The following PTPRD variants were observed in gnomAD, a reference collection of about 807,000 sequenced individuals.
PTPRD encodes the protein receptor-type tyrosine-protein phosphatase delta.
In PTPRD, 34 loss-of-function variants were observed where a neutral mutation model predicts 214.5. The observed-to-expected ratio is 0.16, with a 90% CI of 0.12 to 0.21. The LOEUF (loss-of-function observed/expected upper bound fraction) is 0.21, where lower values mean the gene tolerates loss of function less well. Among genes scored for constraint, PTPRD ranks in the 10% least tolerant of loss-of-function variants. PTPRD has a pLI of 1.00. For synonymous variants in PTPRD, 1,128 were observed against 845.7 expected, an observed-to-expected ratio of 1.33 and a Z score of -5.79; for missense variants, 2,545 against 2,398.7, an observed-to-expected ratio of 1.06 and a Z score of -1.27.
At chr9:8,644,232 G>C (rs1204106423) in intron 12 of PTPRD, among the ~76,000 whole-genome samples, 1 of 151,740 alleles carries the variant, frequency 6.6e-6, no homozygotes, top group East Asian at 1.9e-4. Flanking sequence ...GCTGGGAGGT[G>C]AACACTCCGG....
intron 7 of PTPRD, among the ~76,000 whole-genome samples, chr9:9,732,751 G>A (rs1041446298): frequency 5.3e-5 from 8 of 151,920 alleles, no homozygotes; most frequent in Admixed American, 3.9e-4. Context: ...CTCATTTTGC[G>A]GCTAAATATT....
intron 5 of PTPRD, among the ~76,000 whole-genome samples, chr9:9,885,935 T>C (rs1406638043): frequency 6.7e-6 from 1 of 150,050 alleles, no homozygotes; most frequent in Non-Finnish European, 1.5e-5. Context: ...GTGTAGATTT[T>C]GTCTAATGTA....
intron 34 of PTPRD, among the ~76,000 whole-genome samples, chr9:8,443,357 T>A (rs1162916649): frequency 6.6e-6 from 1 of 152,222 alleles, no homozygotes; most frequent in South Asian, 2.1e-4. Context: ...AAAATGGATC[T>A]TGTTAGCATT....
chr9:8,544,164 C>CTTTTTTTTTT (rs373194856), intron 14 of PTPRD, among the ~76,000 whole-genome samples: 13 of 111,140 alleles, frequency 1.2e-4, no homozygotes, highest in African/African-American at 1.5e-4. Context: ...TTTGCCATTA[C>CTTTTTTTTTT]TTTTTTTTTT....
chr9:10,121,881 C>A (rs779307576), intron 3 of PTPRD, among the ~76,000 whole-genome samples: 2 of 152,152 alleles, frequency 1.3e-5, no homozygotes, highest in Non-Finnish European at 2.9e-5. Flanking sequence ...CCCAAAGAAT[C>A]CCCACTCTGA....
intron 11 of PTPRD, among the ~76,000 whole-genome samples, chr9:8,938,252 A>G (rs1410296361): frequency 6.6e-6 from 1 of 151,686 alleles, no homozygotes; most frequent in Non-Finnish European, 1.5e-5. Flanking sequence ...TAGGGGAGAG[A>G]AACAGAGAGG....
rs1056355158 is a variant in PTPRD at position 9,943,999 on chromosome 9, G to A, written c.-471-5389C>T. Among the ~76,000 whole-genome samples the A allele has an allele frequency of 2.6e-5, 4 of 151,974 alleles. No individual in the cohort carries two copies. In the South Asian group the frequency reaches 6.2e-4, roughly 24 times the overall value. On this transcript the variant is annotated intron_variant, in intron 4 of 45. Coordinates refer to ENST00000381196, the MANE Select transcript of PTPRD (RefSeq NM_002839.4). ...ACTTTTTCTTGATTTTTATCTTCAT[G>A]TCAGAGTATCTAAAAGTTGGAAAAC...
chr9:9,890,932 A>C (rs558469776), intron 5 of PTPRD, among the ~76,000 whole-genome samples: 1 of 152,256 alleles, frequency 6.6e-6, no homozygotes, highest in South Asian at 2.1e-4. Flanking sequence ...AATCTAAATT[A>C]CATTGAATTT....
chr9:10,472,298 T>C (rs1240884932), intron 2 of PTPRD, among the ~76,000 whole-genome samples: 1 of 152,154 alleles, frequency 6.6e-6, no homozygotes, highest in Non-Finnish European at 1.5e-5. Flanking sequence ...TCATTTATTC[T>C]CTAAAATCCA....
intron 9 of PTPRD, among the ~76,000 whole-genome samples, chr9:9,346,080 G>A (rs540383211): frequency 1.3e-5 from 2 of 152,178 alleles, no homozygotes; most frequent in South Asian, 4.2e-4. Context: ...CTCACGTAGT[G>A]CTGTGGAAGT....
chr9:10,427,444 G>T (rs978594092), intron 2 of PTPRD, among the ~76,000 whole-genome samples: 2 of 152,046 alleles, frequency 1.3e-5, no homozygotes, highest in Admixed American at 6.6e-5. Flanking sequence ...TTCAATAGCT[G>T]CTGGCTCTCA....
chr9:8,497,098 C>G lies in PTPRD; in HGVS notation c.2349+144G>C, dbSNP rs144228982. The stretch of plus-strand genomic sequence containing the variant: ...ACAAAAACCAAAATAAAAAGTGCAC[C>G]ACACAGTGAAGATAACTTAAAAATA... On this transcript the variant is annotated intron_variant, in intron 26 of 45. Coordinates refer to ENST00000381196, the MANE Select transcript of PTPRD (RefSeq NM_002839.4). 353 of 689,622 alleles carry G rather than the reference C, an allele frequency of 5.1e-4. 2 individuals are homozygous for G. The African/African-American group carries it at 5.9e-3, about 12-fold the overall frequency. 42.7% of individuals were successfully genotyped at this position (689,622 alleles called of 1,614,324 possible).
Position 10,583,720 on chromosome 9 carries a change from C to T in PTPRD, c.-600+28678G>A, listed in dbSNP as rs866017697. On this transcript the variant is annotated intron_variant, in intron 2 of 45. Transcript: ENST00000381196. ...GTCTCGATCTCCTGACCTCGTGATG[C>T]GCCTGCCTCGGCCTCCCAAAGTGCT... Among the ~76,000 whole-genome samples the T allele has an allele frequency of 3.3e-5, 5 of 151,946 alleles. No homozygotes were observed. The East Asian group carries it at 5.8e-4, about 18-fold the overall frequency.
chr9:10,356,663 T>A (rs2097283966), intron 2 of PTPRD, among the ~76,000 whole-genome samples: 1 of 152,146 alleles, frequency 6.6e-6, no homozygotes, highest in Admixed American at 6.5e-5. Flanking sequence ...GCTCATGTAT[T>A]CATAAAAATG....
chr9:8,814,546 G>A (rs1287089030), intron 11 of PTPRD, among the ~76,000 whole-genome samples: 1 of 152,172 alleles, frequency 6.6e-6, no homozygotes, highest in Non-Finnish European at 1.5e-5. Context: ...CATACCTGAG[G>A]CGGAAACCCT....
intron 4 of PTPRD, among the ~76,000 whole-genome samples, chr9:9,969,565 T>G (rs757166898): frequency 2.0e-5 from 3 of 152,236 alleles, no homozygotes; most frequent in Non-Finnish European, 4.4e-5. Context: ...CTTCTCAGTC[T>G]AATTCAGTGT....
intron 5 of PTPRD, among the ~76,000 whole-genome samples, chr9:9,931,354 G>A (rs967242793): frequency 6.6e-5 from 10 of 152,208 alleles, no homozygotes; most frequent in African/African-American, 2.4e-4. Context: ...AGTGGGCGCA[G>A]GTCAGTGGGT....
intron 4 of PTPRD, among the ~76,000 whole-genome samples, chr9:10,015,220 C>G (rs1347614587): frequency 1.3e-5 from 2 of 152,076 alleles, no homozygotes; most frequent in Non-Finnish European, 2.9e-5. Context: ...GAGTTACCAG[C>G]TTTTTCATTG....
intron 14 of PTPRD, among the ~76,000 whole-genome samples, chr9:8,546,703 T>G (rs745398814): frequency 6.6e-6 from 1 of 152,146 alleles, no homozygotes; most frequent in Non-Finnish European, 1.5e-5. Context: ...TTTCACCACG[T>G]TGGCCAGGCT....
Sources: gnomAD v4.1 joint callset for allele counts (sites outside exome capture counted in the v4.1 genomes callset) on GRCh38, gnomAD v4.1.1 for gene constraint, MANE v1.5 for transcripts, NCBI Gene and HGNC (gene_info 2026-07-23, HGNC 2026-07-21) for gene names.